SFTPD: variants seen among roughly 807,000 people sequenced by gnomAD.
The protein encoded by SFTPD is surfactant protein D, also known as pulmonary surfactant-associated protein D.
Under a neutral mutation model 34.6 loss-of-function variants are expected in SFTPD, and 18 were observed. The ratio of observed to expected loss-of-function variants is 0.52; its 90% CI spans 0.36 to 0.77. SFTPD has a LOEUF of 0.77. Ranked by LOEUF, SFTPD falls within the 30% of genes least tolerant of loss-of-function variation. The pLI, the probability that SFTPD is intolerant of heterozygous loss-of-function variation, is 0.00. For missense variants in SFTPD, 433 were observed against 468.9 expected (o/e 0.92, Z 0.71); for synonymous variants, 155 against 180.9 (o/e 0.86, Z 1.15).
intron 1 of SFTPD, among the ~76,000 whole-genome samples, chr10:79,978,994 G>A (rs12098384): frequency 0.049 from 7,443 of 152,002 alleles, 245 homozygotes; most frequent in East Asian, 0.15. Flanking sequence ...AAATAAATTC[G>A]GTAAAGTTTC....
intron 1 of SFTPD, among the ~76,000 whole-genome samples, chr10:79,957,204 A>G (rs1210256043): frequency 1.3e-5 from 2 of 152,220 alleles, no homozygotes; most frequent in African/African-American, 4.8e-5. Flanking sequence ...ATGGGGAAAA[A>G]ACAGAGCAGA....
At chr10:79,979,848 C>T (rs145052485) in intron 1 of SFTPD, among the ~76,000 whole-genome samples, 32 of 152,288 alleles carry the variant, frequency 2.1e-4, no homozygotes, top group African/African-American at 6.3e-4. Flanking sequence ...CACTCCTCCC[C>T]GCCAACTCCA....
intron 1 of SFTPD, among the ~76,000 whole-genome samples, chr10:79,948,611 T>C (rs1355523317): frequency 6.6e-6 from 1 of 152,164 alleles, no homozygotes; most frequent in African/African-American, 2.4e-5. Flanking sequence ...GACCTGAAGC[T>C]ATGAGAAAAA....
chr10:79,959,078 G>C (rs1842756622), intron 1 of SFTPD, among the ~76,000 whole-genome samples: 1 of 151,652 alleles, frequency 6.6e-6, no homozygotes. Flanking sequence ...CAGAAATAAA[G>C]ATGTTCTTTG....
At chr10:79,938,828 C>T (rs528490665) in intron 7 of SFTPD, among the ~76,000 whole-genome samples, 1 of 152,186 alleles carries the variant, frequency 6.6e-6, no homozygotes, top group African/African-American at 2.4e-5. Flanking sequence ...TGGGTCTGGC[C>T]TCATGTCGGC....
chr10:79,941,351 A>G, intron 6 of SFTPD, 47 bp downstream of exon 6: 1 of 1,540,398 alleles, frequency 6.5e-7, no homozygotes, highest in South Asian at 1.1e-5. Context: ...CTCTCTGCCC[A>G]CCCATGCCCC....
intron 1 of SFTPD, among the ~76,000 whole-genome samples, chr10:79,959,699 C>T (rs1484985955): frequency 6.6e-6 from 1 of 152,194 alleles, no homozygotes; most frequent in East Asian, 1.9e-4. Flanking sequence ...GATTCACAGC[C>T]AAATTCTACC....
intron 1 of SFTPD, among the ~76,000 whole-genome samples, chr10:79,967,100 A>G (rs1460510722): frequency 2.5e-5 from 3 of 118,180 alleles, no homozygotes; most frequent in Non-Finnish European, 5.0e-5. Flanking sequence ...CAACTTCAGC[A>G]AAGTCTCAGG....
chr10:79,955,800 A>C (rs1045311674), intron 1 of SFTPD, among the ~76,000 whole-genome samples: 9 of 152,234 alleles, frequency 5.9e-5, no homozygotes, highest in Non-Finnish European at 1.0e-4. Context: ...ATAAAGGAAA[A>C]ACACTTCACT....
intron 1 of SFTPD, chr10:79,981,764 TA>T (rs1306879871): frequency 6.3e-6 from 1 of 158,574 alleles, no homozygotes; most frequent in Non-Finnish European, 1.4e-5. Flanking sequence ...ATGGCTGCGG[TA>T]GCAGCCACAG....
intron 4 of SFTPD, 42 bp from the exon 5 acceptor site, chr10:79,942,112 G>T (rs541991889): frequency 2.8e-6 from 4 of 1,413,550 alleles, no homozygotes; most frequent in South Asian, 1.2e-5. Context: ...CTAAGAGCGC[G>T]TTCAGCAGGT....
intron 2 of SFTPD, among the ~76,000 whole-genome samples, chr10:79,944,167 C>T (rs1303722136): frequency 6.6e-6 from 1 of 152,228 alleles, no homozygotes; most frequent in East Asian, 1.9e-4. Flanking sequence ...TCCTCCACCC[C>T]TTCCAGCTTC....
At chr10:79,942,590 A>G (rs745627021) in intron 3 of SFTPD, 86 bp from the exon 4 acceptor site, 149 of 999,638 alleles carry the variant, frequency 1.5e-4, no homozygotes, top group Non-Finnish European at 2.1e-4. Flanking sequence ...TAACAGAGGT[A>G]AGGGAGGCAG....
chr10:79,973,574 C>T (rs569085761), intron 1 of SFTPD, among the ~76,000 whole-genome samples: 6 of 148,400 alleles, frequency 4.0e-5, no homozygotes, highest in Middle Eastern at 3.5e-3. Context: ...GCCGGGATCC[C>T]GCCACTGCAC....
At chr10:79,952,159 T>C (rs59169164), upstream of SFTPD, among the ~76,000 whole-genome samples, 22,293 of 152,214 alleles carry the variant, frequency 0.15, 2,069 homozygotes, top group East Asian at 0.41. Context: ...AGCTCTGATA[T>C]TCATCTGCAT....
At chr10:79,979,916 C>G (rs909733008) in intron 1 of SFTPD, among the ~76,000 whole-genome samples, 4 of 152,202 alleles carry the variant, frequency 2.6e-5, no homozygotes, top group Admixed American at 6.5e-5. Flanking sequence ...TGTCTTGCAA[C>G]TTGAATACCA....
intron 1 of SFTPD, among the ~76,000 whole-genome samples, chr10:79,967,484 C>T (rs1243913589): frequency 4.5e-5 from 6 of 134,360 alleles, no homozygotes; most frequent in African/African-American, 1.2e-4. Context: ...AAAAAGAGCC[C>T]GCATCGCCAA....
rs1348328562 is a variant in SFTPD, at chr10:79,979,667, A to G, written c.36+2908T>C. On this transcript the variant is annotated intron_variant, in intron 1 of 5. Coordinates refer to the SFTPD transcript ENST00000444384. ...TCAGAATCTGGATAGACCCACCACC[A>G]TGGGATGAAGTACTCTGGGATCCTA... 7.9e-5 allele frequency among the ~76,000 whole-genome samples: 12 copies of G among 152,212 alleles called. No individual in the cohort carries two copies. In the South Asian group the frequency reaches 2.5e-3, roughly 32 times the overall value.
intron 1 of SFTPD, among the ~76,000 whole-genome samples, chr10:79,960,723 T>A (rs1191841439): frequency 1.8e-4 from 28 of 152,110 alleles, no homozygotes; most frequent in African/African-American, 6.5e-4. Context: ...ATACTGCCCA[T>A]GGTAATTTAT....
Sources: gnomAD v4.1 joint callset for allele counts (sites outside exome capture counted in the v4.1 genomes callset) on GRCh38, gnomAD v4.1.1 for gene constraint, MANE v1.5 for transcripts, NCBI Gene and HGNC (gene_info 2026-07-23, HGNC 2026-07-21) for gene names.